CYSLTR2: variants seen among roughly 807,000 people sequenced by gnomAD.
The protein encoded by CYSLTR2 is G-protein coupled receptor GPCR21.
For synonymous variants in CYSLTR2, 179 were observed against 160.8 expected, an observed-to-expected ratio of 1.11 and a Z score of -0.86; for missense variants, 398 against 411.9, an observed-to-expected ratio of 0.97 and a Z score of 0.29.
chr13:48,703,666 G>T (rs1954408835), intron 4 of CYSLTR2, among the ~76,000 whole-genome samples: 1 of 152,080 alleles, frequency 6.6e-6, no homozygotes, highest in Non-Finnish European at 1.5e-5. Flanking sequence ...ATTCACAGGG[G>T]ATATTCATCC....
chr13:48,680,800 C>CTTTTTTTTTTT (rs139896583), intron 1 of CYSLTR2, among the ~76,000 whole-genome samples: 96 of 54,986 alleles, frequency 1.7e-3, no homozygotes, highest in East Asian at 2.5e-3. Flanking sequence ...CTTTTCTTTT[C>CTTTTTTTTTTT]TTTTTTTTTT....
rs1954525981 is a variant in CYSLTR2 at position 48,707,348 on chromosome 13, C to T, written c.531C>T (p.Gly177=). Residue 177 remains glycine (G), a synonymous_variant, in exon 5 of 5, where the codon GGC becomes GGT. Coordinates refer to ENST00000682523, the MANE Select transcript of CYSLTR2 (RefSeq NM_001308476.3). ...MASSIMLLDS[G]SEQNGSVTSC... ...CCTCAATAATGCTCCTGGACAGTGG[C>T]TCTGAGCAGAACGGCAGTGTCACAT... is the stretch of plus-strand genomic sequence containing the variant. 1.9e-6 allele frequency: 3 copies of T among 1,613,976 alleles called. No individual in the cohort carries two copies. Among genetic ancestry groups the T allele is most frequent in the Non-Finnish European group, 2.5e-6 (3 of 1,180,042 alleles).
Position 48,673,910 on chromosome 13 carries a change from G to A in CYSLTR2, c.-265-17302G>A, listed in dbSNP as rs1196266439. On this transcript the variant is annotated intron_variant, in intron 1 of 4. Coordinates refer to ENST00000682523, the MANE Select transcript of CYSLTR2 (RefSeq NM_001308476.3). ...TATTTTAGCAGGACGTGAAATTCCG[G>A]GTTGAAAATTCTTTTCTTTAAGAAT... is the stretch of plus-strand genomic sequence containing the variant. Among the ~76,000 whole-genome samples, 3 of 152,098 alleles carry A rather than the reference G, an allele frequency of 2.0e-5. No individual in the cohort carries two copies. In the East Asian group the frequency reaches 5.8e-4, roughly 29 times the overall value.
intron 1 of CYSLTR2, among the ~76,000 whole-genome samples, chr13:48,676,453 C>T (rs1307537613): frequency 6.6e-6 from 1 of 152,110 alleles, no homozygotes; most frequent in Non-Finnish European, 1.5e-5. Flanking sequence ...ACAGATGATG[C>T]TATGGTTTCT....
In CYSLTR2 at chr13:48,707,780, A is replaced by G; in HGVS notation, c.963A>G (p.Arg321=). The G allele has an allele frequency of 6.3e-7, 1 of 1,576,584 alleles. No homozygotes were observed. Among genetic ancestry groups the G allele is most frequent in the East Asian group, 2.2e-5 (1 of 44,558 alleles). Residue 321 remains arginine, a synonymous_variant, in exon 5 of 5, where the codon AGA becomes AGG. Transcript: ENST00000682523. ...AGGACAGACTAAAGTCTGCACTCAG[A>G]AAAGGCCATCCACAGAAGGCAAAGA... ...NFKDRLKSAL[R]KGHPQKAKTK... is the part of the protein sequence containing the mutation.
At chr13:48,662,502 T>C (rs1203380501) in intron 1 of CYSLTR2, among the ~76,000 whole-genome samples, 2 of 152,192 alleles carry the variant, frequency 1.3e-5, no homozygotes, top group African/African-American at 4.8e-5. Flanking sequence ...TTACTCCACA[T>C]CCTTGCCAAC....
rs143922670 is a variant in CYSLTR2 at position 48,673,722 on chromosome 13, G to A, written c.-265-17490G>A. On this transcript the variant is annotated intron_variant, in intron 1 of 4. Coordinates refer to ENST00000682523, the MANE Select transcript of CYSLTR2 (RefSeq NM_001308476.3). ...GATGCAGTTTCTTTATAGTGTCGAC[G>A]GTCTTTACATTTTGGTATGTTTTTG... 7.9e-3 allele frequency among the ~76,000 whole-genome samples: 1,195 copies of A among 151,990 alleles called. 16 individuals carry two copies. The highest frequency in any genetic ancestry group is 0.026 in the African/African-American group (1,095 of 41,458).
chr13:48,698,044 A>T (rs1172497973), intron 4 of CYSLTR2, among the ~76,000 whole-genome samples: 1 of 152,228 alleles, frequency 6.6e-6, no homozygotes, highest in Non-Finnish European at 1.5e-5. Flanking sequence ...ACTACGTCTG[A>T]TTGGTGTACC....
rs747063023 is a variant in CYSLTR2, at chr13:48,709,605, T to C, written c.*1747T>C. The C allele has an allele frequency of 6.6e-6, 1 of 152,230 alleles. No individual in the cohort carries two copies. Among genetic ancestry groups the C allele is most frequent in the Non-Finnish European group, 1.5e-5 (1 of 68,046 alleles). The allele number at this position is 152,230 out of a possible 1,614,324, so 9.4% of individuals were successfully genotyped here. On this transcript the variant is annotated 3_prime_UTR_variant, in exon 5 of 5. Coordinates refer to ENST00000682523, the MANE Select transcript of CYSLTR2 (RefSeq NM_001308476.3). ...TTCCACTCACAGCATTTGGTCAACC[T>C]GTCAGAGCCTCATTCTTAATTATGA...
chr13:48,698,166 G>A (rs1954245518), intron 4 of CYSLTR2, among the ~76,000 whole-genome samples: 1 of 152,120 alleles, frequency 6.6e-6, no homozygotes, highest in Admixed American at 6.5e-5. Flanking sequence ...AGGAAATACA[G>A]AGAACACCAC....
chr13:48,660,136 T>C (rs935501015), intron 1 of CYSLTR2, among the ~76,000 whole-genome samples: 1 of 152,056 alleles, frequency 6.6e-6, no homozygotes, highest in Admixed American at 6.6e-5. Context: ...TTGGAGTCTA[T>C]TAAAGAAGGA....
At chr13:48,669,826 G>T (rs1242638192) in intron 1 of CYSLTR2, among the ~76,000 whole-genome samples, 1 of 152,110 alleles carries the variant, frequency 6.6e-6, no homozygotes, top group Non-Finnish European at 1.5e-5. Flanking sequence ...TGGTATTTCT[G>T]GTTCTAGATC....
At chr13:48,705,110 C>T (rs75345515) in intron 4 of CYSLTR2, among the ~76,000 whole-genome samples, 2,908 of 152,210 alleles carry the variant, frequency 0.019, 96 homozygotes, top group African/African-American at 0.066. Flanking sequence ...TGTTGTTTGG[C>T]GCATACCCAT....
At position 48,663,651 on chromosome 13, in the gene CYSLTR2, T is replaced by G. The variant is rs139536144; in HGVS notation, c.-266+9634T>G. 4.9e-3 allele frequency among the ~76,000 whole-genome samples: 739 copies of G among 152,182 alleles called. 3 individuals carry two copies. Among genetic ancestry groups the G allele is most frequent in the Middle Eastern group, 0.014 (4 of 294 alleles). The stretch of plus-strand genomic sequence containing the variant: ...ATTTTTTTTCCAGCTAGTTCATTGT[T>G]TGTGTAGAAAACACTACTGATGTTT... On this transcript the variant is annotated intron_variant, in intron 1 of 4. Coordinates refer to ENST00000682523, the MANE Select transcript of CYSLTR2 (RefSeq NM_001308476.3).
intron 4 of CYSLTR2, among the ~76,000 whole-genome samples, chr13:48,697,265 G>A (rs1409253062): frequency 2.6e-5 from 4 of 152,120 alleles, no homozygotes; most frequent in African/African-American, 9.7e-5. Flanking sequence ...CTCCCAGTAG[G>A]GGCCGACTGA....
intron 1 of CYSLTR2, among the ~76,000 whole-genome samples, chr13:48,671,746 T>A (rs1953436154): frequency 6.6e-6 from 1 of 152,136 alleles, no homozygotes; most frequent in Admixed American, 6.6e-5. Flanking sequence ...TTCTTTTTTT[T>A]GTTGTGTCTC....
chr13:48,665,949 G>A (rs568744393), intron 1 of CYSLTR2, among the ~76,000 whole-genome samples: 15 of 152,062 alleles, frequency 9.9e-5, no homozygotes, highest in Admixed American at 9.8e-4. Context: ...GTGGTGATAA[G>A]GCTTGATTCC....
Position 48,687,535 on chromosome 13 carries a change from TTATC to T in CYSLTR2, c.-265-3672_-265-3669del, listed in dbSNP as rs533563445. Among the ~76,000 whole-genome samples the T allele has an allele frequency of 4.4e-3, 671 of 152,266 alleles. 3 individuals are homozygous for T. Among genetic ancestry groups the T allele is most frequent in the Middle Eastern group, 0.014 (4 of 294 alleles). On this transcript the variant is annotated intron_variant, in intron 1 of 4. Coordinates refer to ENST00000682523, the MANE Select transcript of CYSLTR2 (RefSeq NM_001308476.3). ...CTATCAATCATCTATTATCTATCAA[TTATC>T]TATCATCTATCAATTATCTATCATC...
chr13:48,694,856 T>G (rs1424678718), intron 3 of CYSLTR2: 3 of 152,098 alleles, frequency 2.0e-5, no homozygotes, highest in African/African-American at 7.2e-5. Context: ...AACCTAAGTG[T>G]TTTCCTAAAC....
Sources: gnomAD v4.1 joint callset for allele counts (sites outside exome capture counted in the v4.1 genomes callset) on GRCh38, gnomAD v4.1.1 for gene constraint, MANE v1.5 for transcripts, NCBI Gene and HGNC (gene_info 2026-07-23, HGNC 2026-07-21) for gene names.